The following DCP1A variants were observed in gnomAD, a reference collection of about 807,000 sequenced individuals.
The protein encoded by DCP1A is decapping mRNA 1A.
Under a neutral mutation model 58.0 loss-of-function variants are expected in DCP1A, and 20 were observed. The observed-to-expected ratio is 0.34, with a 90% CI of 0.24 to 0.50. The LOEUF is 0.50. Among genes scored for constraint, DCP1A ranks in the 20% least tolerant of loss-of-function variants. The pLI, the probability that DCP1A is intolerant of heterozygous loss-of-function variation, is 0.98. For missense variants in DCP1A, 613 were observed against 712.2 expected (o/e 0.86, Z 1.59); for synonymous variants, 285 against 275.1 (o/e 1.04, Z -0.36).
chr3:53,308,105 G>C lies in DCP1A; in HGVS notation c.511-3815C>G, dbSNP rs950299433. Among the ~76,000 whole-genome samples, 82 of 151,864 alleles carry C rather than the reference G, an allele frequency of 5.4e-4. 1 individual carries two copies. Among genetic ancestry groups the C allele is most frequent in the African/African-American group, 2.0e-3 (82 of 41,326 alleles). On this transcript the variant is annotated intron_variant, in intron 5 of 9. Transcript: ENST00000610213. ...CTTGGACATATTTTTGCAAGGATAC[G>C]TAACAAAGTATTAGCAGTGATTATT...
chr3:53,292,933 AG>A, intron 6 of DCP1A, 106 bp from the exon 7 acceptor site: 1 of 1,160,188 alleles, frequency 8.6e-7, no homozygotes, highest in Non-Finnish European at 1.2e-6. Flanking sequence ...GGATGGATGG[AG>A]TATCAAAATA....
chr3:53,313,800 T>C (rs1553688912), intron 4 of DCP1A, among the ~76,000 whole-genome samples: 1 of 151,742 alleles, frequency 6.6e-6, no homozygotes, highest in African/African-American at 2.4e-5. Context: ...CTCATTAGAG[T>C]GTGGGGAAGA....
At position 53,315,744 on chromosome 3, in the gene DCP1A, G is replaced by GTTTTTTTTTTT. The variant is rs797040721; in HGVS notation, c.372-3376_372-3366dup. The stretch of plus-strand genomic sequence containing the variant: ...ATTGTTTGGAGTAAATCAGTTTGTT[G>GTTTTTTTTTTT]TTTTTTTTTTTTGTTTTTTTTTTTT... On this transcript the variant is annotated intron_variant, in intron 4 of 9. Transcript: ENST00000610213. Among the ~76,000 whole-genome samples, 15 of 95,410 alleles carry GTTTTTTTTTTT rather than the reference G, an allele frequency of 1.6e-4. 3 individuals are homozygous for GTTTTTTTTTTT. Among genetic ancestry groups the GTTTTTTTTTTT allele is most frequent in the African/African-American group, 2.1e-4 (5 of 23,764 alleles). 62.6% of individuals were successfully genotyped at this position (95,410 alleles called of 152,430 possible). A position where few individuals can be genotyped will look rare whatever the true frequency, so the allele number is the denominator to read the frequency against.
intron 4 of DCP1A, among the ~76,000 whole-genome samples, chr3:53,317,292 AGTAGCTG>A (rs1707841937): frequency 6.6e-6 from 1 of 152,038 alleles, no homozygotes; most frequent in Non-Finnish European, 1.5e-5. Flanking sequence ...CAGCCTCCCG[AGTAGCTG>A]GGATTACAGG....
intron 5 of DCP1A, among the ~76,000 whole-genome samples, chr3:53,308,605 T>A (rs1707545716): frequency 6.6e-6 from 1 of 151,498 alleles, no homozygotes; most frequent in Non-Finnish European, 1.5e-5. Context: ...TTTTCTTTTT[T>A]CTTTTTAAGA....
At chr3:53,333,791 AT>A in intron 3 of DCP1A, among the ~76,000 whole-genome samples, 1 of 152,264 alleles carries the variant, frequency 6.6e-6, no homozygotes, top group Middle Eastern at 3.4e-3. Context: ...TAGGTCACTT[AT>A]TCCTTTCATC....
chr3:53,345,760 C>T (rs1553693068), intron 1 of DCP1A, among the ~76,000 whole-genome samples: 1 of 151,854 alleles, frequency 6.6e-6, no homozygotes, highest in Non-Finnish European at 1.5e-5. Flanking sequence ...GAAGTACTAC[C>T]CTAGCTTAAA....
chr3:53,321,178 C>T (rs1707955335), intron 3 of DCP1A, among the ~76,000 whole-genome samples: 1 of 152,262 alleles, frequency 6.6e-6, no homozygotes, highest in Admixed American at 6.5e-5. Context: ...CACTTTGCTG[C>T]TGCTGTTCTG....
intron 5 of DCP1A, among the ~76,000 whole-genome samples, chr3:53,308,239 T>C (rs2106828030): frequency 6.6e-6 from 1 of 152,364 alleles, no homozygotes; most frequent in African/African-American, 2.4e-5. Context: ...TTCTATAGTT[T>C]ATACTGCTTA....
intron 3 of DCP1A, among the ~76,000 whole-genome samples, chr3:53,329,768 TTAAA>T (rs1369611851): frequency 2.6e-5 from 4 of 152,190 alleles, no homozygotes; most frequent in African/African-American, 9.7e-5. Context: ...ACAGAAAACA[TTAAA>T]AAATACAAAA....
intron 3 of DCP1A, among the ~76,000 whole-genome samples, chr3:53,330,541 T>C (rs541755587): frequency 7.4e-5 from 11 of 149,288 alleles, no homozygotes; most frequent in African/African-American, 2.7e-4. Context: ...AAAAAAAGAA[T>C]CTTCACCCTT....
In DCP1A at chr3:53,285,453, A is replaced by G. The variant is rs1264731943; in HGVS notation, c.*2127T>C. 6.6e-6 allele frequency: 1 copy of G among 152,128 alleles called. No individual in the cohort carries two copies. Among genetic ancestry groups the G allele is most frequent in the Admixed American group, 6.6e-5 (1 of 15,264 alleles). 9.4% of individuals were successfully genotyped at this position (152,128 alleles called of 1,614,324 possible). A position where few individuals can be genotyped will look rare whatever the true frequency, so the allele number is the denominator to read the frequency against. ...AACTTCTGGCTTCTGAATTTTAAGTAAATACTTTGAATATATAAATTTGGG... is the reference window on the plus strand; with the variant it reads ...AACTTCTGGCTTCTGAATTTTAAGTGAATACTTTGAATATATAAATTTGGG... On this transcript the variant is annotated 3_prime_UTR_variant, in exon 10 of 10. Coordinates refer to ENST00000610213, the MANE Select transcript of DCP1A (RefSeq NM_018403.7).
At chr3:53,291,987 C>A in intron 7 of DCP1A, 82 bp downstream of exon 7, 3 of 1,428,824 alleles carry the variant, frequency 2.1e-6, no homozygotes, top group Non-Finnish European at 2.8e-6. Context: ...CATGTCATGA[C>A]AGTTAAAACC....
intron 3 of DCP1A, among the ~76,000 whole-genome samples, chr3:53,337,151 G>A (rs1490877503): frequency 2.0e-5 from 3 of 152,170 alleles, no homozygotes; most frequent in Non-Finnish European, 4.4e-5. Flanking sequence ...GGATACAGGC[G>A]TGAGCCACCA....
Position 53,283,880 on chromosome 3 carries a change from C to A in DCP1A, c.*3700G>T, listed in dbSNP as rs1198480811. 6.6e-6 allele frequency: 1 copy of A among 152,308 alleles called. No individual in the cohort carries two copies. The allele number at this position is 152,308 out of a possible 1,614,324, so 9.4% of individuals were successfully genotyped here. A position where few individuals can be genotyped will look rare whatever the true frequency, so the allele number is the denominator to read the frequency against. ...ATACAAAACGGAGGGAATCACTGCACACATCTGTTGAATTTGCTGAAAAAC... is the reference window on the plus strand; with the variant it reads ...ATACAAAACGGAGGGAATCACTGCAAACATCTGTTGAATTTGCTGAAAAAC... On this transcript the variant is annotated 3_prime_UTR_variant, in exon 10 of 10. Transcript: ENST00000610213.
intron 5 of DCP1A, among the ~76,000 whole-genome samples, chr3:53,306,419 T>C (rs2106824510): frequency 6.6e-6 from 1 of 152,242 alleles, no homozygotes; most frequent in South Asian, 2.1e-4. Flanking sequence ...ACAGAAGGTA[T>C]AAATGTTCAG....
At chr3:53,338,212 T>C (rs934099651) in intron 3 of DCP1A, 9 of 419,672 alleles carry the variant, frequency 2.1e-5, no homozygotes, top group African/African-American at 4.1e-5. Flanking sequence ...CCAGAATTTA[T>C]AACCTCCCCA....
chr3:53,304,996 C>CA (rs1297514184), intron 5 of DCP1A, among the ~76,000 whole-genome samples: 4 of 151,340 alleles, frequency 2.6e-5, no homozygotes, highest in East Asian at 3.9e-4. Flanking sequence ...TTCCATCATC[C>CA]AAAAAAAAAT....
In DCP1A at chr3:53,292,676, G is replaced by C. The variant is rs1182965819; in HGVS notation, c.776C>G (p.Pro259Arg). The C allele has an allele frequency of 6.2e-7, 1 of 1,613,576 alleles. No homozygotes were observed. Among genetic ancestry groups the C allele is most frequent in the East Asian group, 2.2e-5 (1 of 44,874 alleles). ...ASQKEPNSFL[P>R]FPFEQLGGAP... is the part of the protein sequence containing the mutation. ...TCCTCCTAACTGCTCAAAGGGAAAT[G>C]GTAGGAATGAATTGGGCTCTTTCTG... is the stretch of plus-strand genomic sequence containing the variant. The change falls in exon 7 of 10, where the codon CCA becomes CGA. Residue 259 changes from proline (P) to arginine (R), a missense_variant. Coordinates refer to ENST00000610213, the MANE Select transcript of DCP1A (RefSeq NM_018403.7).
Sources: allele counts gnomAD v4.1 joint callset (sites outside exome capture counted in the v4.1 genomes callset), GRCh38; gene constraint gnomAD v4.1.1; transcripts MANE v1.5; gene names NCBI Gene and HGNC (gene_info 2026-07-23, HGNC 2026-07-21).